Variants in PCDHGA12 observed in about 807,000 individuals in gnomAD.
PCDHGA12 encodes protocadherin gamma-A12.
Under a neutral mutation model 61.1 loss-of-function variants are expected in PCDHGA12, and 43 were observed. That is an observed-to-expected ratio of 0.70 (90% CI 0.55 to 0.91). PCDHGA12 has a LOEUF of 0.91. Among genes scored for constraint, PCDHGA12 ranks in the 40% least tolerant of loss-of-function variants. The pLI is 0.00. For missense variants in PCDHGA12, 1,236 were observed against 1,227.7 expected (o/e 1.01, Z -0.10); for synonymous variants, 520 against 542.9 (o/e 0.96, Z 0.59).
chr5:141,490,417 C>A lies in PCDHGA12; in HGVS notation c.2425-4390C>A, dbSNP rs767996336. ...AGTGAGCCTTGATATCTCTCCGGAC[C>A]TGCCATTTCAGATTAAGCCTTCTGA... On this transcript the variant is annotated intron_variant, in intron 1 of 3. Transcript: ENST00000252085. The surrounding 1 kb of genome is among the most constrained non-coding windows in gnomAD (Gnocchi z 5.4). 4.3e-6 allele frequency: 7 copies of A among 1,614,196 alleles called. No homozygotes were observed. In the South Asian group the frequency reaches 7.7e-5, roughly 18 times the overall value.
rs1329435709 is a variant in PCDHGA12 at position 141,485,726 on chromosome 5, C to T, written c.2425-9081C>T. ...ACACTTTGCACTGGATGTGAAGAAGCGCAGCGACGGCAGCCTGGTCCCAGA... is the reference window on the plus strand; with the variant it reads ...ACACTTTGCACTGGATGTGAAGAAGTGCAGCGACGGCAGCCTGGTCCCAGA... On this transcript the variant is annotated intron_variant, in intron 1 of 3. Coordinates refer to ENST00000252085, the MANE Select transcript of PCDHGA12 (RefSeq NM_003735.3). This position sits in a 1 kb window ranked among gnomAD's most constrained non-coding sequence, Gnocchi z 5.7. 2 of 1,614,138 alleles carry T rather than the reference C, an allele frequency of 1.2e-6. No homozygotes were observed. The highest frequency in any genetic ancestry group is 8.5e-7 in the Non-Finnish European group (1 of 1,180,024).
chr5:141,504,180 A>G (rs1195970606), intron 2 of PCDHGA12, among the ~76,000 whole-genome samples: 1 of 152,236 alleles, frequency 6.6e-6, no homozygotes, highest in Non-Finnish European at 1.5e-5. Context: ...ATTCAAAAAA[A>G]TCATGAAAAT....
At chr5:141,505,827 TCA>T (rs1197972266) in intron 3 of PCDHGA12, among the ~76,000 whole-genome samples, 4 of 152,072 alleles carry the variant, frequency 2.6e-5, no homozygotes, top group South Asian at 4.1e-4. Context: ...TCTCTAAACC[TCA>T]GTTTCCTCAG....
At chr5:141,500,116 C>T (rs1458562489) in intron 2 of PCDHGA12, among the ~76,000 whole-genome samples, 4 of 149,046 alleles carry the variant, frequency 2.7e-5, no homozygotes, top group Admixed American at 2.0e-4. Context: ...GAATCCCTGC[C>T]TTTTCATATA....
At chr5:141,446,128 G>T (rs1242643475) in intron 1 of PCDHGA12, among the ~76,000 whole-genome samples, 1 of 152,188 alleles carries the variant, frequency 6.6e-6, no homozygotes, top group Admixed American at 6.5e-5. Context: ...GGTTCAATAA[G>T]ACTTAATAAT....
chr5:141,433,703 G>T (rs1561871157), intron 1 of PCDHGA12, among the ~76,000 whole-genome samples: 1 of 152,098 alleles, frequency 6.6e-6, no homozygotes, highest in Non-Finnish European at 1.5e-5. Flanking sequence ...CGGGCGTGGT[G>T]GTGCATGTCT....
chr5:141,432,070 T>C lies in PCDHGA12; in HGVS notation c.1311T>C (p.His437=). 6.2e-7 allele frequency: 1 copy of C among 1,614,136 alleles called. No homozygotes were observed. The highest frequency in any genetic ancestry group is 2.2e-5 in the East Asian group (1 of 44,860). ...CCCCGCCCCTATCCACGGAAACTCATATCTCGCTGAACGTGGCAGACACCA... is the reference window on the plus strand; with the variant it reads ...CCCCGCCCCTATCCACGGAAACTCACATCTCGCTGAACGTGGCAGACACCA... ...RGTPPLSTET[H]ISLNVADTND... The change falls in exon 1 of 4, where the codon CAT becomes CAC. Residue 437 remains histidine, a synonymous_variant. Transcript: ENST00000252085. The surrounding 1 kb of genome is among the most constrained non-coding windows in gnomAD (Gnocchi z 6.0).
Position 141,489,195 on chromosome 5 carries a change from A to G in PCDHGA12, c.2425-5612A>G, listed in dbSNP as rs200660227. ...ATTCCAAGCCCTGGGTCTACCTTGG[A>G]GACAGGACAGCACAGACTTACTCTC... is the stretch of plus-strand genomic sequence containing the variant. On this transcript the variant is annotated intron_variant, in intron 1 of 3. Transcript: ENST00000252085. This position sits in a 1 kb window ranked among gnomAD's most constrained non-coding sequence, Gnocchi z 4.5. 1.8e-5 allele frequency: 25 copies of G among 1,383,116 alleles called. No individual in the cohort carries two copies. The East Asian group carries it at 4.8e-4, about 27-fold the overall frequency. 85.7% of individuals were successfully genotyped at this position (1,383,116 alleles called of 1,614,324 possible). A position where few individuals can be genotyped will look rare whatever the true frequency, so the allele number is the denominator to read the frequency against.
intron 1 of PCDHGA12, among the ~76,000 whole-genome samples, chr5:141,460,252 A>T (rs1342135416): frequency 6.6e-6 from 1 of 151,974 alleles, no homozygotes; most frequent in African/African-American, 2.4e-5. Flanking sequence ...AATTTTGATA[A>T]AGCCCAATTT....
intron 1 of PCDHGA12, among the ~76,000 whole-genome samples, chr5:141,492,574 G>T (rs2099742096): frequency 6.6e-6 from 1 of 152,232 alleles, no homozygotes; most frequent in Non-Finnish European, 1.5e-5. Flanking sequence ...TGAGCGAGGC[G>T]CGGGGCCAGG....
intron 1 of PCDHGA12, among the ~76,000 whole-genome samples, chr5:141,460,922 ATATGTGTGTGTG>A: frequency 6.6e-6 from 1 of 151,042 alleles, no homozygotes; most frequent in Non-Finnish European, 1.5e-5. Context: ...GTATATATAT[ATATGTGTGTGTG>A]TATATATATG....
chr5:141,434,906 C>A lies in PCDHGA12; in HGVS notation c.2424+1723C>A, dbSNP rs1044434492. ...AACAATCCAGTCCCCTTCCCTCATA[C>A]CTTATTTATGTACATATATTTTATA... On this transcript the variant is annotated intron_variant, in intron 1 of 3. Coordinates refer to ENST00000252085, the MANE Select transcript of PCDHGA12 (RefSeq NM_003735.3). Among the ~76,000 whole-genome samples the A allele has an allele frequency of 2.0e-5, 3 of 151,752 alleles. No individual in the cohort carries two copies. In the South Asian group the frequency reaches 6.2e-4, roughly 32 times the overall value.
chr5:141,483,573 G>A (rs2099583012), intron 1 of PCDHGA12, among the ~76,000 whole-genome samples: 1 of 152,072 alleles, frequency 6.6e-6, no homozygotes, highest in Non-Finnish European at 1.5e-5. Context: ...GTGAATTCTG[G>A]CATAAACACC....
rs969397099 is a variant in PCDHGA12, at chr5:141,477,807, C to T, written c.2425-17000C>T. 6.2e-6 allele frequency: 10 copies of T among 1,613,932 alleles called. No homozygotes were observed. Among genetic ancestry groups the T allele is most frequent in the African/African-American group, 1.3e-5 (1 of 74,922 alleles). ...TTTGTCACTGATCGCAATGACAATG[C>T]CCCCCAGGTCCTATATCCTCGGCCA... is the stretch of plus-strand genomic sequence containing the variant. On this transcript the variant is annotated intron_variant, in intron 1 of 3. Transcript: ENST00000252085. The surrounding 1 kb of genome is among the most constrained non-coding windows in gnomAD (Gnocchi z 4.9).
rs1327490895 is a variant in PCDHGA12, at chr5:141,487,672, G to A, written c.2425-7135G>A. The stretch of plus-strand genomic sequence containing the variant: ...AGGGTTATTCTGATCCAGGCATATG[G>A]CTAGGCCATGTCCTAGAGAGTACTG... On this transcript the variant is annotated intron_variant, in intron 1 of 3. Coordinates refer to ENST00000252085, the MANE Select transcript of PCDHGA12 (RefSeq NM_003735.3). This position sits in a 1 kb window ranked among gnomAD's most constrained non-coding sequence, Gnocchi z 5.0. 6.2e-7 allele frequency: 1 copy of A among 1,611,484 alleles called. No individual in the cohort carries two copies. Among genetic ancestry groups the A allele is most frequent in the Non-Finnish European group, 8.5e-7 (1 of 1,178,612 alleles).
In PCDHGA12 at chr5:141,476,235, A is replaced by G; in HGVS notation, c.2425-18572A>G. ...GTCATTCACTATGAGATCCCGGAGG[A>G]AAGAGAGAAGGGTTTCGCTGTGGGC... is the stretch of plus-strand genomic sequence containing the variant. On this transcript the variant is annotated intron_variant, in intron 1 of 3. Coordinates refer to ENST00000252085, the MANE Select transcript of PCDHGA12 (RefSeq NM_003735.3). The surrounding 1 kb of genome is among the most constrained non-coding windows in gnomAD (Gnocchi z 7.6). 2 of 1,613,844 alleles carry G rather than the reference A, an allele frequency of 1.2e-6. No homozygotes were observed. Among genetic ancestry groups the G allele is most frequent in the Admixed American group, 1.7e-5 (1 of 59,990 alleles).
Position 141,487,928 on chromosome 5 carries a change from A to G in PCDHGA12, c.2425-6879A>G. Reference sequence around the variant, plus strand: ...GGGAGCACAGGAGGCTACAGTGCACAGGGTACAGTGCACCAGGCAGTCACT... The same window carrying G: ...GGGAGCACAGGAGGCTACAGTGCACGGGGTACAGTGCACCAGGCAGTCACT... On this transcript the variant is annotated intron_variant, in intron 1 of 3. Transcript: ENST00000252085. The surrounding 1 kb of genome is among the most constrained non-coding windows in gnomAD (Gnocchi z 5.0). The G allele has an allele frequency of 3.2e-6, 2 of 620,886 alleles. No homozygotes were observed. The highest frequency in any genetic ancestry group is 5.6e-6 in the Non-Finnish European group (2 of 355,916). The allele number at this position is 620,886 out of a possible 1,614,324, so 38.5% of individuals were successfully genotyped here. A position where few individuals can be genotyped will look rare whatever the true frequency, so the allele number is the denominator to read the frequency against.
intron 1 of PCDHGA12, among the ~76,000 whole-genome samples, chr5:141,458,596 G>A (rs907922436): frequency 1.8e-4 from 27 of 151,842 alleles, no homozygotes; most frequent in African/African-American, 5.8e-4. Flanking sequence ...TTGGAGACGA[G>A]TCTCACTCTG....
At chr5:141,467,941 G>A (rs1173095290) in intron 1 of PCDHGA12, among the ~76,000 whole-genome samples, 4 of 151,984 alleles carry the variant, frequency 2.6e-5, no homozygotes, top group Admixed American at 2.6e-4. Context: ...TTACAAGCAT[G>A]AGCCACCACA....
Sources: allele counts gnomAD v4.1 joint callset (sites outside exome capture counted in the v4.1 genomes callset), GRCh38; gene constraint gnomAD v4.1.1; non-coding constraint Gnocchi (gnomAD v3.1); transcripts MANE v1.5; gene names NCBI Gene and HGNC (gene_info 2026-07-23, HGNC 2026-07-21).